Variants in NDST1 observed in about 807,000 individuals in gnomAD.
NDST1 encodes N-deacetylase and N-sulfotransferase 1.
In NDST1, 35 loss-of-function variants were observed where a neutral mutation model predicts 92.8. The ratio of observed to expected loss-of-function variants is 0.38; its 90% CI spans 0.29 to 0.50. NDST1 has a LOEUF of 0.50. Ranked by LOEUF, NDST1 falls within the 20% of genes least tolerant of loss-of-function variation. The probability of loss-of-function intolerance (pLI) is 0.94; values close to 1 mark genes in which losing one functional copy is unlikely to be tolerated. For missense variants in NDST1, 822 were observed against 1,182.7 expected (o/e 0.69, Z 4.47); for synonymous variants, 493 against 500.3 (o/e 0.99, Z 0.19).
chr5:150,545,333 C>G lies in NDST1; in HGVS notation c.1992C>G (p.Ile664Met). 6.2e-7 allele frequency: 1 copy of G among 1,614,238 alleles called. No homozygotes were observed. Among genetic ancestry groups the G allele is most frequent in the Non-Finnish European group, 8.5e-7 (1 of 1,180,046 alleles). Residue 664 changes from isoleucine (I) to methionine (M), a missense_variant, in exon 11 of 15, where the codon ATC becomes ATG. Transcript: ENST00000261797. ...GIDWYMEFFP[I>M]PSNTTSDFYF... ...GCAGGTACATGGAGTTCTTCCCCATCCCTTCCAACACCACCTCCGACTTCT... is the reference window on the plus strand; with the variant it reads ...GCAGGTACATGGAGTTCTTCCCCATGCCTTCCAACACCACCTCCGACTTCT...
intron 12 of NDST1, among the ~76,000 whole-genome samples, chr5:150,548,888 G>A (rs1755605774): frequency 6.6e-6 from 1 of 152,208 alleles, no homozygotes; most frequent in African/African-American, 2.4e-5. Context: ...CCCCAAGCCT[G>A]TGTCCCATCA....
At chr5:150,546,521 G>A (rs1031916540) in intron 11 of NDST1, among the ~76,000 whole-genome samples, 6 of 152,212 alleles carry the variant, frequency 3.9e-5, no homozygotes, top group African/African-American at 1.4e-4. Context: ...GAGCATCCTC[G>A]TTAACCCAGC....
At chr5:150,535,069 G>A (rs2909809) in intron 5 of NDST1, 48 bp downstream of exon 5, 344,456 of 1,581,530 alleles carry the variant, frequency 0.22, 39,254 homozygotes, top group African/African-American at 0.39. Flanking sequence ...TAAGGGCTGG[G>A]CTGGAGGTCC....
At chr5:150,539,642 A>G (rs1755154701) in intron 7 of NDST1, 1 of 985,352 alleles carries the variant, frequency 1.0e-6, no homozygotes, top group African/African-American at 1.7e-5. Context: ...GTATACACAC[A>G]TACACAGATA....
At chr5:150,537,380 G>T (rs1390218991) in intron 6 of NDST1, among the ~76,000 whole-genome samples, 3 of 152,200 alleles carry the variant, frequency 2.0e-5, no homozygotes, top group African/African-American at 7.2e-5. Flanking sequence ...CTTTTTCTCA[G>T]CAAGAAACAT....
chr5:150,554,335 TTATATA>T lies in NDST1; in HGVS notation c.*1022_*1027del, dbSNP rs55954668. On this transcript the variant is annotated 3_prime_UTR_variant, in exon 15 of 15. Transcript: ENST00000261797. ...CCCTGGGTGCTGGGGTCGCACTGTGTTATATATATATATATATATATATAATGTGTA... is the reference window on the plus strand; with the variant it reads ...CCCTGGGTGCTGGGGTCGCACTGTGTTATATATATATATATATAATGTGTA... The T allele has an allele frequency of 7.3e-6, 1 of 137,408 alleles. No individual in the cohort carries two copies. 8.5% of individuals were successfully genotyped at this position (137,408 alleles called of 1,614,324 possible).
rs1209457547 is a variant in NDST1, at chr5:150,556,373, A to G, written c.*3041A>G. ...CCTTTTCTGAGCCCCCCTGATGAGCAGTCAGTGCTTCTGGGCCCAGCTAAG... is the reference window on the plus strand; with the variant it reads ...CCTTTTCTGAGCCCCCCTGATGAGCGGTCAGTGCTTCTGGGCCCAGCTAAG... On this transcript the variant is annotated 3_prime_UTR_variant, in exon 15 of 15. Coordinates refer to ENST00000261797, the MANE Select transcript of NDST1 (RefSeq NM_001543.5). 6.6e-6 allele frequency: 1 copy of G among 152,190 alleles called. No individual in the cohort carries two copies. Among genetic ancestry groups the G allele is most frequent in the Non-Finnish European group, 1.5e-5 (1 of 68,078 alleles). 9.4% of individuals were successfully genotyped at this position (152,190 alleles called of 1,614,324 possible).
In NDST1 at chr5:150,521,779, G is replaced by GTT; in HGVS notation, c.513+12_513+13insTT. On this transcript the variant is annotated intron_variant, in intron 2 of 14. Transcript: ENST00000261797. The surrounding 1 kb of genome is among the most constrained non-coding windows in gnomAD (Gnocchi z 5.9). ...TTGGCTTCTTCAAGGTACACAAGAA[G>GTT]CAGGGTCCCCGAGCAGTTCAGAGCC... is the stretch of plus-strand genomic sequence containing the variant. 1 of 1,612,124 alleles carries GTT rather than the reference G, an allele frequency of 6.2e-7. No homozygotes were observed. Among genetic ancestry groups the GTT allele is most frequent in the Non-Finnish European group, 8.5e-7 (1 of 1,180,020 alleles).
At chr5:150,506,678 C>A (rs1753472782), upstream of NDST1, among the ~76,000 whole-genome samples, 1 of 152,234 alleles carries the variant, frequency 6.6e-6, no homozygotes, top group Middle Eastern at 3.4e-3. Flanking sequence ...CCCACTTGCC[C>A]CCACCTCTCC....
At chr5:150,513,009 C>T (rs1753792367) in intron 1 of NDST1, among the ~76,000 whole-genome samples, 1 of 152,106 alleles carries the variant, frequency 6.6e-6, no homozygotes, top group Non-Finnish European at 1.5e-5. Context: ...TCAAGACCAG[C>T]CTAGGCAACA....
intron 6 of NDST1, among the ~76,000 whole-genome samples, chr5:150,538,998 G>C (rs759045522): frequency 1.3e-5 from 2 of 152,208 alleles, no homozygotes; most frequent in Admixed American, 1.3e-4. Flanking sequence ...TTACTTTGAG[G>C]CCTGCTCATT....
At chr5:150,501,907 C>A (rs2151235590) in intron 1 of NDST1, among the ~76,000 whole-genome samples, 1 of 152,222 alleles carries the variant, frequency 6.6e-6, no homozygotes, top group Non-Finnish European at 1.5e-5. Flanking sequence ...GCAGTAGACT[C>A]CGGGAGGGTG....
intron 1 of NDST1, among the ~76,000 whole-genome samples, chr5:150,514,602 G>A (rs1450745983): frequency 1.3e-5 from 2 of 151,546 alleles, no homozygotes; most frequent in Non-Finnish European, 2.9e-5. Flanking sequence ...ACAGTGCCAG[G>A]CTCATAGTAT....
intron 13 of NDST1, chr5:150,550,640 C>T (rs1404862382): frequency 2.6e-5 from 4 of 152,246 alleles, no homozygotes; most frequent in Non-Finnish European, 4.4e-5. Context: ...CTCCTTGGCT[C>T]CATTCTTGGG....
At chr5:150,536,334 TA>T (rs989991312) in intron 6 of NDST1, among the ~76,000 whole-genome samples, 18 of 147,516 alleles carry the variant, frequency 1.2e-4, no homozygotes, top group Middle Eastern at 3.2e-3. Flanking sequence ...AAAAAAGTAC[TA>T]AAAAAAAAAT....
intron 3 of NDST1, 113 bp downstream of exon 3, chr5:150,528,411 C>G (rs976606970): frequency 4.0e-6 from 5 of 1,243,048 alleles, no homozygotes; most frequent in Non-Finnish European, 5.5e-6. Flanking sequence ...CTGGGAGTTA[C>G]TTAAAAGACA....
chr5:150,545,533 C>G, intron 11 of NDST1, 47 bp downstream of exon 11: 1 of 1,602,934 alleles, frequency 6.2e-7, no homozygotes, highest in Non-Finnish European at 8.5e-7. Context: ...CACAGGGCTC[C>G]GTCTGACACT....
chr5:150,541,514 G>T, intron 8 of NDST1, 56 bp from the exon 9 acceptor site: 1 of 1,437,610 alleles, frequency 7.0e-7, no homozygotes, highest in Non-Finnish European at 9.8e-7. Flanking sequence ...TGTGCAGTGG[G>T]AGTCCACTGA....
chr5:150,515,904 C>A (rs569656652), intron 1 of NDST1, among the ~76,000 whole-genome samples: 11 of 152,076 alleles, frequency 7.2e-5, no homozygotes, highest in Admixed American at 3.3e-4. Context: ...GTGCTGGAAG[C>A]CCCCTTTGCC....
Sources: gnomAD v4.1 joint callset for allele counts (sites outside exome capture counted in the v4.1 genomes callset) on GRCh38, gnomAD v4.1.1 for gene constraint, Gnocchi (gnomAD v3.1) non-coding constraint, MANE v1.5 for transcripts, NCBI Gene and HGNC (gene_info 2026-07-23, HGNC 2026-07-21) for gene names.